Variants in USP37 observed in about 807,000 individuals in gnomAD.
USP37 encodes ubiquitin specific peptidase 37.
USP37 carries 27 observed loss-of-function variants against 124.0 expected under a neutral mutation model. That is an observed-to-expected ratio of 0.22 (90% confidence interval 0.16 to 0.30). The LOEUF is 0.30. Ranked by LOEUF, USP37 falls within the 10% of genes least tolerant of loss-of-function variation. The probability of loss-of-function intolerance (pLI) is 1.00; values close to 1 mark genes in which losing one functional copy is unlikely to be tolerated. For missense variants in USP37, 889 were observed against 1,140.4 expected (o/e 0.78, Z 3.17); for synonymous variants, 365 against 388.0 (o/e 0.94, Z 0.70).
chr2:218,485,441 A>G (rs184635473), intron 16 of USP37, among the ~76,000 whole-genome samples: 70 of 152,202 alleles, frequency 4.6e-4, no homozygotes, highest in Middle Eastern at 6.8e-3. Flanking sequence ...GGCGTGAGCT[A>G]TCACACCTGG....
At chr2:218,520,337 G>C (rs1333622780) in intron 10 of USP37, among the ~76,000 whole-genome samples, 6 of 142,860 alleles carry the variant, frequency 4.2e-5, no homozygotes, top group Non-Finnish European at 7.6e-5. Flanking sequence ...TTTAAACCTT[G>C]CCAACAGCTT....
Position 218,455,566 on chromosome 2 carries a change from G to A in USP37, c.2852+14C>T, listed in dbSNP as rs770472471. The stretch of plus-strand genomic sequence containing the variant: ...TTTCTAACTCATTATTTAGAATCTG[G>A]CAAAGTTTCTTACTTGTGCATATAA... On this transcript the variant is annotated intron_variant, in intron 25 of 25. Coordinates refer to ENST00000258399, the MANE Select transcript of USP37 (RefSeq NM_020935.3). 75 of 1,586,348 alleles carry A rather than the reference G, an allele frequency of 4.7e-5. No individual in the cohort carries two copies. The highest frequency in any genetic ancestry group is 5.9e-5 in the Non-Finnish European group (69 of 1,170,552).
intron 14 of USP37, among the ~76,000 whole-genome samples, chr2:218,493,535 A>T (rs1390178140): frequency 6.6e-6 from 1 of 152,052 alleles, no homozygotes; most frequent in African/African-American, 2.4e-5. Flanking sequence ...CAATGGCATA[A>T]TCTCAGCTTA....
chr2:218,533,594 A>G (rs1691456780), intron 9 of USP37, among the ~76,000 whole-genome samples: 1 of 152,216 alleles, frequency 6.6e-6, no homozygotes, highest in Non-Finnish European at 1.5e-5. Flanking sequence ...AAAAGCTGAG[A>G]GACAATAAGC....
At chr2:218,469,428 T>C (rs970731830) in intron 20 of USP37, among the ~76,000 whole-genome samples, 1 of 152,192 alleles carries the variant, frequency 6.6e-6, no homozygotes, top group Non-Finnish European at 1.5e-5. Context: ...TAGCTGATGA[T>C]GAGCATTTCA....
At chr2:218,481,687 T>TCTTTTC (rs57137036) in intron 17 of USP37, among the ~76,000 whole-genome samples, 1 of 149,778 alleles carries the variant, frequency 6.7e-6, no homozygotes, top group African/African-American at 2.4e-5. Flanking sequence ...TCTTTTCTTT[T>TCTTTTC]TTTTTTTTTT....
intron 20 of USP37, among the ~76,000 whole-genome samples, chr2:218,466,920 G>A (rs1186129588): frequency 6.6e-6 from 1 of 151,878 alleles, no homozygotes; most frequent in Non-Finnish European, 1.5e-5. Flanking sequence ...TAGTAGAGAT[G>A]AGGTTTCATC....
At chr2:218,505,015 GA>G (rs959039898) in intron 11 of USP37, among the ~76,000 whole-genome samples, 1 of 151,114 alleles carries the variant, frequency 6.6e-6, no homozygotes, top group African/African-American at 2.4e-5. Flanking sequence ...TACTTTATCA[GA>G]AAAAAAAATT....
intron 11 of USP37, among the ~76,000 whole-genome samples, chr2:218,508,488 A>C (rs1277055213): frequency 6.6e-6 from 1 of 152,186 alleles, no homozygotes; most frequent in East Asian, 1.9e-4. Context: ...GAAGGAGGTG[A>C]ATAACAGAAA....
At chr2:218,504,552 G>T (rs73074881) in intron 11 of USP37, among the ~76,000 whole-genome samples, 1 of 151,784 alleles carries the variant, frequency 6.6e-6, no homozygotes, top group African/African-American at 2.4e-5. Flanking sequence ...CAGTCTCCCC[G>T]GTAGCTGGGA....
At chr2:218,523,577 G>GTCTTTTT (rs201105581) in intron 10 of USP37, among the ~76,000 whole-genome samples, 1,946 of 152,072 alleles carry the variant, frequency 0.013, 49 homozygotes, top group African/African-American at 0.045. Context: ...TGGCGGGGGG[G>GTCTTTTT]TCTTTTTTCA....
At chr2:218,504,897 A>C (rs1052181262) in intron 11 of USP37, among the ~76,000 whole-genome samples, 3 of 152,102 alleles carry the variant, frequency 2.0e-5, no homozygotes, top group Non-Finnish European at 4.4e-5. Flanking sequence ...TATTCATTTT[A>C]AATGGTATCC....
intron 8 of USP37, among the ~76,000 whole-genome samples, chr2:218,544,430 T>TATATATATAGAGAGAGAGAGAGAGAGAG (rs377397246): frequency 2.0e-5 from 1 of 50,806 alleles, no homozygotes; most frequent in African/African-American, 1.3e-4. Context: ...TATATATATA[T>TATATATATAGAGAGAGAGAGAGAGAGAG]AGAGAGAGAG....
chr2:218,485,658 A>T lies in USP37; in HGVS notation c.1670+6T>A. ...AGCAAAAAAAAAAAAAAAAAAAAAA[A>T]ATTACCTAGGAAGCCTGTTAAATTT... is the stretch of plus-strand genomic sequence containing the variant. On this transcript the variant is annotated splice_donor_region_variant and intron_variant, in intron 16 of 25. Coordinates refer to ENST00000258399, the MANE Select transcript of USP37 (RefSeq NM_020935.3). The T allele has an allele frequency of 6.6e-7, 1 of 1,521,620 alleles. No homozygotes were observed. The highest frequency in any genetic ancestry group is 8.8e-7 in the Non-Finnish European group (1 of 1,139,952). 94.3% of individuals were successfully genotyped at this position (1,521,620 alleles called of 1,614,324 possible). A position where few individuals can be genotyped will look rare whatever the true frequency, so the allele number is the denominator to read the frequency against.
At chr2:218,524,663 G>C (rs1690854581) in intron 10 of USP37, among the ~76,000 whole-genome samples, 1 of 152,144 alleles carries the variant, frequency 6.6e-6, no homozygotes, top group African/African-American at 2.4e-5. Flanking sequence ...AGAATGGAGT[G>C]CAGTGGCGCG....
Position 218,476,867 on chromosome 2 carries a change from G to C in USP37, c.2016C>G (p.Asn672Lys). The C allele has an allele frequency of 6.2e-7, 1 of 1,601,456 alleles. No homozygotes were observed. The highest frequency in any genetic ancestry group is 8.5e-7 in the Non-Finnish European group (1 of 1,175,218). The stretch of plus-strand genomic sequence containing the variant: ...TTTCCAGGTCTTCCTGCTGCTGTTC[G>C]TTGCCTAACATTTCACAAAGTCTCT... ...LSQRLCEMLG[N>K]EQQQEDLEKD... The change falls in exon 19 of 26, where the codon AAC becomes AAG. Residue 672 changes from asparagine (N) to lysine (K), a missense_variant. By Grantham distance (94) the Asn-to-Lys change is moderately conservative. Transcript: ENST00000258399.
chr2:218,550,119 AAATT>A (rs1361247584), intron 5 of USP37, among the ~76,000 whole-genome samples: 1 of 152,168 alleles, frequency 6.6e-6, no homozygotes, highest in Admixed American at 6.5e-5. Flanking sequence ...CTGAAGCAAA[AAATT>A]AAGTAACACA....
intron 10 of USP37, among the ~76,000 whole-genome samples, chr2:218,515,047 G>C (rs1285074287): frequency 6.6e-6 from 1 of 152,010 alleles, no homozygotes; most frequent in Admixed American, 6.6e-5. Context: ...AGATGTTATA[G>C]ACTGATCTTG....
chr2:218,533,345 A>AC (rs1333039450), intron 9 of USP37, among the ~76,000 whole-genome samples: 1 of 152,020 alleles, frequency 6.6e-6, no homozygotes, highest in African/African-American at 2.4e-5. Context: ...AATTAGTATC[A>AC]CCCCTACTCT....
Sources: gnomAD v4.1 joint callset for allele counts (sites outside exome capture counted in the v4.1 genomes callset) on GRCh38, gnomAD v4.1.1 for gene constraint, MANE v1.5 for transcripts, NCBI Gene and HGNC (gene_info 2026-07-23, HGNC 2026-07-21) for gene names.